The following ANKRD30A variants were observed in gnomAD, a reference collection of about 807,000 sequenced individuals.
ANKRD30A encodes ankyrin repeat domain 30A.
A neutral mutation model predicts 166.3 loss-of-function variants in ANKRD30A; 170 were observed. The ratio of observed to expected loss-of-function variants is 1.02; its 90% confidence interval spans 0.90 to 1.16. The LOEUF (loss-of-function observed/expected upper bound fraction) is 1.16, where lower values mean the gene tolerates loss of function less well. ANKRD30A is among the 50% of genes most tolerant of loss of function. ANKRD30A has a pLI of 0.00. For synonymous variants in ANKRD30A, 564 were observed against 508.9 expected (o/e 1.11, Z -1.46); for missense variants, 1,630 against 1,518.0 (o/e 1.07, Z -1.23).
chr10:37,155,098 A>T (rs1419614982), intron 13 of ANKRD30A, among the ~76,000 whole-genome samples: 2 of 152,142 alleles, frequency 1.3e-5, no homozygotes, highest in Non-Finnish European at 2.9e-5. Context: ...AAAACCATAA[A>T]ATTCTGAATT....
At chr10:37,229,471 C>A (rs1843317995) in intron 34 of ANKRD30A, among the ~76,000 whole-genome samples, 1 of 151,906 alleles carries the variant, frequency 6.6e-6, no homozygotes, top group African/African-American at 2.4e-5. Context: ...ATATTCAACA[C>A]CTCAAACATT....
At chr10:37,226,482 C>T (rs1049137836) in intron 34 of ANKRD30A, among the ~76,000 whole-genome samples, 4 of 151,686 alleles carry the variant, frequency 2.6e-5, no homozygotes, top group African/African-American at 9.7e-5. Context: ...GATGCTATAG[C>T]ATAACATTTT....
Position 37,179,033 on chromosome 10 carries a change from T to C in ANKRD30A, c.2421+2815T>C, listed in dbSNP as rs1311914607. Among the ~76,000 whole-genome samples the C allele has an allele frequency of 2.9e-3, 158 of 53,854 alleles. 2 individuals carry two copies. Among genetic ancestry groups the C allele is most frequent in the African/African-American group, 7.4e-3 (144 of 19,436 alleles). 35.3% of individuals were successfully genotyped at this position (53,854 alleles called of 152,430 possible). A position where few individuals can be genotyped will look rare whatever the true frequency, so the allele number is the denominator to read the frequency against. On this transcript the variant is annotated intron_variant, in intron 24 of 35. Coordinates refer to ENST00000361713, the MANE Select transcript of ANKRD30A (RefSeq NM_052997.3). ...CGTCAAATATATATATATATATATA[T>C]ATATATATATATATATATATATATA...
chr10:37,263,777 A>G, the ANKRD30A span, among the ~76,000 whole-genome samples: 2 of 152,126 alleles, frequency 1.3e-5, no homozygotes, highest in Non-Finnish European at 2.9e-5. Flanking sequence ...GTACCAGTCC[A>G]TGGCCTGTGT....
chr10:37,198,892 G>A (rs1841384181), intron 29 of ANKRD30A, among the ~76,000 whole-genome samples: 1 of 152,036 alleles, frequency 6.6e-6, no homozygotes, highest in Admixed American at 6.6e-5. Flanking sequence ...ACTTTGTGCT[G>A]ATAAAGAAAC....
At chr10:37,165,473 A>G (rs1296750842) in intron 18 of ANKRD30A, among the ~76,000 whole-genome samples, 1 of 152,208 alleles carries the variant, frequency 6.6e-6, no homozygotes, top group African/African-American at 2.4e-5. Flanking sequence ...GAGTCGAGCT[A>G]TGGGCAAATA....
chr10:37,139,029 C>T (rs905521048), intron 6 of ANKRD30A, among the ~76,000 whole-genome samples: 9 of 152,114 alleles, frequency 5.9e-5, no homozygotes, highest in African/African-American at 1.4e-4. Flanking sequence ...GCTGATGTCT[C>T]GGCAGAAACG....
At position 37,132,229 on chromosome 10, in the gene ANKRD30A, C is replaced by CT. The variant is rs1254375221; in HGVS notation, c.511-10dup. On this transcript the variant is annotated splice_polypyrimidine_tract_variant and intron_variant, in intron 3 of 35. Coordinates refer to ENST00000361713, the MANE Select transcript of ANKRD30A (RefSeq NM_052997.3). ...ATTTCATGAATTATAAATTGTTTTG[C>CT]TATTTTACAGGCTAGCCTCACACCA... is the stretch of plus-strand genomic sequence containing the variant. 6.5e-7 allele frequency: 1 copy of CT among 1,537,744 alleles called. No individual in the cohort carries two copies. Among genetic ancestry groups the CT allele is most frequent in the Non-Finnish European group, 8.8e-7 (1 of 1,136,904 alleles).
intron 34 of ANKRD30A, among the ~76,000 whole-genome samples, chr10:37,229,808 T>G (rs1007783779): frequency 6.6e-5 from 10 of 151,884 alleles, no homozygotes; most frequent in Non-Finnish European, 1.2e-4. Context: ...GGGTACACAG[T>G]AGGGTGTGTA....
the ANKRD30A span, among the ~76,000 whole-genome samples, chr10:37,238,939 T>A: frequency 3.3e-5 from 5 of 152,138 alleles, no homozygotes. Flanking sequence ...TGTTATGAAG[T>A]ACAGTCTCTC....
chr10:37,219,016 C>CATGA lies in ANKRD30A; in HGVS notation c.3306_3309dup (p.Asn1104Ter). ...TCATGAAAATGAAAATTATCTCTTA[C>CATGA]ATGAAAATTGCATGTTGAAAAAGGA... On this transcript the variant is annotated frameshift_variant, in exon 34 of 36. Transcript: ENST00000361713. LOFTEE classifies it high-confidence loss of function. 1 of 1,592,396 alleles carries CATGA rather than the reference C, an allele frequency of 6.3e-7. No homozygotes were observed. The highest frequency in any genetic ancestry group is 8.5e-7 in the Non-Finnish European group (1 of 1,172,290).
chr10:37,237,909 A>G, the ANKRD30A span, among the ~76,000 whole-genome samples: 1 of 152,218 alleles, frequency 6.6e-6, no homozygotes, highest in East Asian at 1.9e-4. Flanking sequence ...ATTTTGATTA[A>G]AAGAAATATG....
intron 19 of ANKRD30A, among the ~76,000 whole-genome samples, chr10:37,167,209 T>A (rs1402894354): frequency 2.0e-5 from 3 of 150,224 alleles, no homozygotes; most frequent in Admixed American, 2.0e-4. Flanking sequence ...CTCTGGAGAC[T>A]ACTGGAATCA....
At position 37,158,589 on chromosome 10, in the gene ANKRD30A, A is replaced by T; in HGVS notation, c.1900+3A>T. On this transcript the variant is annotated splice_donor_region_variant and intron_variant, in intron 15 of 35. Transcript: ENST00000361713. ...GGACATGCAAACTTTCAAAGCAGGT[A>T]AATTTTGTAATTTTAATTTTACTCT... The T allele has an allele frequency of 1.9e-6, 3 of 1,612,192 alleles. No homozygotes were observed. In the South Asian group the frequency reaches 3.3e-5, roughly 18 times the overall value.
the ANKRD30A span, among the ~76,000 whole-genome samples, chr10:37,263,002 A>G: frequency 6.6e-6 from 1 of 152,164 alleles, no homozygotes; most frequent in Non-Finnish European, 1.5e-5. Context: ...CACAATTTCT[A>G]TGCCTTAAAA....
intron 9 of ANKRD30A, among the ~76,000 whole-genome samples, 166 bp from the exon 10 acceptor site, chr10:37,149,485 C>T (rs1011959799): frequency 5.3e-5 from 8 of 151,974 alleles, no homozygotes; most frequent in African/African-American, 1.9e-4. Context: ...TCAGTGTATT[C>T]CTGTCGTGTG....
chr10:37,200,880 T>C (rs960125899), intron 30 of ANKRD30A, among the ~76,000 whole-genome samples: 6 of 152,098 alleles, frequency 3.9e-5, no homozygotes, highest in African/African-American at 1.2e-4. Flanking sequence ...AGCAAGAGTA[T>C]TGTATTTTGT....
chr10:37,134,912 T>C (rs1362801488), intron 5 of ANKRD30A, among the ~76,000 whole-genome samples: 1 of 152,208 alleles, frequency 6.6e-6, no homozygotes, highest in Non-Finnish European at 1.5e-5. Flanking sequence ...ACCAGATCTA[T>C]ATCCCTGGCA....
At chr10:37,240,906 C>T in the ANKRD30A span, 64 of 152,184 alleles carry the variant, frequency 4.2e-4, no homozygotes, top group African/African-American at 1.4e-3. Flanking sequence ...CATCTTCATC[C>T]TGTAATTCCA....
Sources: gnomAD v4.1 joint callset for allele counts (sites outside exome capture counted in the v4.1 genomes callset) on GRCh38, gnomAD v4.1.1 for gene constraint, MANE v1.5 for transcripts, NCBI Gene and HGNC (gene_info 2026-07-23, HGNC 2026-07-21) for gene names.